ROPN1L: variants seen among roughly 807,000 people sequenced by gnomAD.
ROPN1L encodes the protein ropporin-1-like protein.
ROPN1L carries 23 observed loss-of-function variants against 22.7 expected under a neutral mutation model. The observed-to-expected ratio is 1.01, with a 90% CI of 0.73 to 1.43. The LOEUF (loss-of-function observed/expected upper bound fraction) is 1.43. Ranked by LOEUF, ROPN1L falls within the 40% of genes most tolerant of loss-of-function variation. The probability of loss-of-function intolerance (pLI) is 0.00; values close to 1 mark genes in which losing one functional copy is unlikely to be tolerated. For missense variants in ROPN1L, 271 were observed against 291.5 expected (o/e 0.93, Z 0.51); for synonymous variants, 116 against 117.8 (o/e 0.98, Z 0.10).
chr5:10,463,959 TC>T (rs1164736124), intron 4 of ROPN1L, among the ~76,000 whole-genome samples: 1 of 152,002 alleles, frequency 6.6e-6, no homozygotes, highest in African/African-American at 2.4e-5. Flanking sequence ...TCCCACCCTT[TC>T]CAACCGGCCA....
At chr5:10,467,959 G>T (rs1422651437), downstream of ROPN1L, among the ~76,000 whole-genome samples, 1 of 152,222 alleles carries the variant, frequency 6.6e-6, no homozygotes, top group Non-Finnish European at 1.5e-5. Context: ...TGGGCACCCA[G>T]GTCCCGTCCC....
rs546093775 is a variant in ROPN1L at position 10,441,899 on chromosome 5, C to G, written c.-269C>G. 1 of 282,022 alleles carries G rather than the reference C, an allele frequency of 3.5e-6. No homozygotes were observed. Among genetic ancestry groups the G allele is most frequent in the South Asian group, 6.1e-5 (1 of 16,492 alleles). The allele number at this position is 282,022 out of a possible 1,614,324, so 17.5% of individuals were successfully genotyped here. Reference sequence around the variant, plus strand: ...TGCTCGCGTCCCGGGTGCCTGGATACCGAGCGCGTCCGTAGTGGCGGCTGG... The same window carrying G: ...TGCTCGCGTCCCGGGTGCCTGGATAGCGAGCGCGTCCGTAGTGGCGGCTGG... On this transcript the variant is annotated 5_prime_UTR_variant, in exon 1 of 5. Coordinates refer to ENST00000274134, the MANE Select transcript of ROPN1L (RefSeq NM_031916.5).
At chr5:10,472,592 A>G (rs932637117), downstream of ROPN1L, among the ~76,000 whole-genome samples, 3 of 152,168 alleles carry the variant, frequency 2.0e-5, no homozygotes, top group African/African-American at 7.2e-5. Flanking sequence ...TTATGTTGAA[A>G]CATGTTAGCT....
chr5:10,481,157 G>C, the ROPN1L span, among the ~76,000 whole-genome samples: 2 of 152,166 alleles, frequency 1.3e-5, no homozygotes, highest in Non-Finnish European at 2.9e-5. Context: ...AAAGGACTTT[G>C]CTACTCACAG....
chr5:10,468,117 C>T (rs546974323), downstream of ROPN1L, among the ~76,000 whole-genome samples: 7 of 152,374 alleles, frequency 4.6e-5, no homozygotes, highest in East Asian at 5.8e-4. Context: ...TGGTCACTCT[C>T]GGCTCAGCTC....
At chr5:10,470,144 C>T (rs909317412) in intron 4 of ROPN1L, among the ~76,000 whole-genome samples, 59 of 152,336 alleles carry the variant, frequency 3.9e-4, no homozygotes, top group African/African-American at 1.4e-3. Flanking sequence ...AAGTCTTAAA[C>T]ATTCTCAGAG....
chr5:10,472,049 T>A (rs1383354987), downstream of ROPN1L: 1 of 152,202 alleles, frequency 6.6e-6, no homozygotes, highest in African/African-American at 2.4e-5. Context: ...CTCCACATAT[T>A]CATATGCATG....
chr5:10,473,059 A>G (rs1735273051), downstream of ROPN1L, among the ~76,000 whole-genome samples: 1 of 152,218 alleles, frequency 6.6e-6, no homozygotes, highest in Admixed American at 6.5e-5. Flanking sequence ...AGTTAGACCC[A>G]GCAGGCAAGT....
At chr5:10,466,642 G>T (rs1735159455), downstream of ROPN1L, among the ~76,000 whole-genome samples, 1 of 152,216 alleles carries the variant, frequency 6.6e-6, no homozygotes, top group South Asian at 2.1e-4. Context: ...GGCAGCATGG[G>T]TGTGATGAGG....
intron 3 of ROPN1L, among the ~76,000 whole-genome samples, chr5:10,457,223 C>T (rs898275229): frequency 3.3e-5 from 5 of 152,194 alleles, no homozygotes; most frequent in South Asian, 2.1e-4. Flanking sequence ...CTAACCGTGC[C>T]GTCCACCTCG....
At chr5:10,447,017 G>C (rs1741089816) in intron 1 of ROPN1L, among the ~76,000 whole-genome samples, 1 of 152,212 alleles carries the variant, frequency 6.6e-6, no homozygotes, top group Non-Finnish European at 1.5e-5. Flanking sequence ...GGGGTGTAAA[G>C]AGAGAGAAAG....
chr5:10,448,444 T>C, intron 2 of ROPN1L, 61 bp downstream of exon 2: 1 of 1,601,966 alleles, frequency 6.2e-7, no homozygotes, highest in Non-Finnish European at 8.5e-7. Context: ...TACCGTTCAC[T>C]GTGCATTGAT....
the ROPN1L span, among the ~76,000 whole-genome samples, chr5:10,477,147 A>T: frequency 1.3e-5 from 2 of 152,152 alleles, no homozygotes; most frequent in Non-Finnish European, 1.5e-5. Flanking sequence ...ATCACAAAAT[A>T]TTTTTCTTTT....
chr5:10,475,246 C>T (rs991530554), downstream of ROPN1L, among the ~76,000 whole-genome samples: 3 of 152,226 alleles, frequency 2.0e-5, no homozygotes, highest in African/African-American at 7.2e-5. Flanking sequence ...AGACCTGGAT[C>T]TCAGCTCAGG....
chr5:10,476,773 C>T (rs1735323109), downstream of ROPN1L, among the ~76,000 whole-genome samples: 1 of 152,106 alleles, frequency 6.6e-6, no homozygotes, highest in South Asian at 2.1e-4. Context: ...GGCACTAAGA[C>T]CTTAAAAATA....
chr5:10,477,869 G>T, the ROPN1L span, among the ~76,000 whole-genome samples: 2 of 152,184 alleles, frequency 1.3e-5, no homozygotes, highest in African/African-American at 4.8e-5. Context: ...GGCAGAGGTT[G>T]CAGTGAGCAA....
At chr5:10,465,954 G>A (rs963113842), downstream of ROPN1L, among the ~76,000 whole-genome samples, 1 of 152,192 alleles carries the variant, frequency 6.6e-6, no homozygotes, top group African/African-American at 2.4e-5. Context: ...ATTGGCAGCT[G>A]AGGCTGCATC....
chr5:10,444,650 A>G (rs905373962), intron 1 of ROPN1L, among the ~76,000 whole-genome samples: 1 of 150,538 alleles, frequency 6.6e-6, no homozygotes, highest in Non-Finnish European at 1.5e-5. Context: ...CTGTAATCCC[A>G]GAGTTTGGGA....
At chr5:10,471,906 G>A (rs1398119076) in exon 5 of ROPN1L, 3 of 152,350 alleles carry the variant, frequency 2.0e-5, no homozygotes, top group African/African-American at 7.2e-5. Flanking sequence ...GAAGAGCCAG[G>A]AGAGGCTAAA....
Sources: gnomAD v4.1 joint callset for allele counts (sites outside exome capture counted in the v4.1 genomes callset) on GRCh38, gnomAD v4.1.1 for gene constraint, MANE v1.5 for transcripts, NCBI Gene and HGNC (gene_info 2026-07-23, HGNC 2026-07-21) for gene names.